COL24A1: variants seen among roughly 807,000 people sequenced by gnomAD.
COL24A1 encodes the protein collagen type XXIV alpha 1 chain.
In COL24A1, 224 loss-of-function variants were observed where a neutral mutation model predicts 253.9. That is an observed-to-expected ratio of 0.88 (90% CI 0.79 to 0.99). The LOEUF is 0.99. COL24A1 is among the 50% of genes least tolerant of loss of function. COL24A1 has a pLI of 0.00. For synonymous variants in COL24A1, 685 were observed against 673.7 expected, an observed-to-expected ratio of 1.02 and a Z score of -0.26; for missense variants, 2,131 against 2,068.5, an observed-to-expected ratio of 1.03 and a Z score of -0.59.
At chr1:85,762,752 T>C (rs1051199788) in intron 53 of COL24A1, among the ~76,000 whole-genome samples, 3 of 152,198 alleles carry the variant, frequency 2.0e-5, no homozygotes, top group African/African-American at 7.2e-5. Context: ...ACAGTTGCAA[T>C]AGTCCATTCC....
intron 12 of COL24A1, among the ~76,000 whole-genome samples, chr1:86,041,951 A>T (rs1453529903): frequency 6.6e-6 from 1 of 152,070 alleles, no homozygotes; most frequent in Non-Finnish European, 1.5e-5. Context: ...CTCTATCTTC[A>T]ACAGTTAGTT....
intron 5 of COL24A1, among the ~76,000 whole-genome samples, chr1:86,098,113 C>G (rs953106709): frequency 2.0e-5 from 3 of 152,182 alleles, no homozygotes; most frequent in Admixed American, 1.3e-4. Flanking sequence ...GAGACCCATA[C>G]TTTGTGTAAT....
chr1:85,889,520 T>G, intron 32 of COL24A1, 40 bp downstream of exon 32: 554 of 1,534,220 alleles, frequency 3.6e-4, no homozygotes, highest in Non-Finnish European at 4.7e-4. Flanking sequence ...ATGTATTTTA[T>G]GAGAAAGACA....
intron 7 of COL24A1, among the ~76,000 whole-genome samples, chr1:86,084,398 C>T (rs76679093): frequency 0.01 from 1,573 of 152,220 alleles, 41 homozygotes; most frequent in African/African-American, 0.035. Context: ...CTATTCTGTC[C>T]ACCTTCTCAC....
chr1:85,737,338 A>T, intron 58 of COL24A1, 58 bp downstream of exon 58: 1 of 979,948 alleles, frequency 1.0e-6, no homozygotes, highest in Non-Finnish European at 1.5e-6. Flanking sequence ...TTTTAAACAT[A>T]ATTTTTCACT....
At chr1:85,862,692 G>C (rs1044899085) in intron 37 of COL24A1, among the ~76,000 whole-genome samples, 12 of 152,314 alleles carry the variant, frequency 7.9e-5, no homozygotes, top group Admixed American at 1.3e-4. Flanking sequence ...TGATGAAACT[G>C]TTCAGAATAA....
intron 7 of COL24A1, among the ~76,000 whole-genome samples, chr1:86,074,920 T>C (rs534835343): frequency 3.9e-4 from 60 of 152,196 alleles, no homozygotes; most frequent in Non-Finnish European, 7.6e-4. Flanking sequence ...GGGAAATTTA[T>C]AGCACTAAAT....
intron 57 of COL24A1, among the ~76,000 whole-genome samples, chr1:85,738,897 C>T (rs1664330024): frequency 6.6e-6 from 1 of 152,116 alleles, no homozygotes; most frequent in South Asian, 2.1e-4. Flanking sequence ...TGCATCAAAC[C>T]ATCACTAAAA....
intron 53 of COL24A1, among the ~76,000 whole-genome samples, chr1:85,764,455 TACACACACACACACACACACAC>T (rs71075861): frequency 2.5e-4 from 34 of 137,344 alleles, no homozygotes; most frequent in Admixed American, 1.2e-3. Context: ...AGGTGGAGGA[TACACACACACACACACACACAC>T]ACACACACAC....
intron 3 of COL24A1, among the ~76,000 whole-genome samples, chr1:86,123,285 T>C (rs556334442): frequency 6.6e-6 from 1 of 152,092 alleles, no homozygotes; most frequent in Non-Finnish European, 1.5e-5. Context: ...CACAAGATCT[T>C]ATTCTGAATA....
At chr1:86,146,067 C>A in intron 2 of COL24A1, 52 bp downstream of exon 2, 1 of 1,435,752 alleles carries the variant, frequency 7.0e-7, no homozygotes, top group East Asian at 2.3e-5. Flanking sequence ...CTTTTGCTGT[C>A]TGGAAGTAGA....
At chr1:85,763,795 G>A (rs75946286) in intron 53 of COL24A1, among the ~76,000 whole-genome samples, 3,707 of 151,974 alleles carry the variant, frequency 0.024, 148 homozygotes, top group African/African-American at 0.086. Flanking sequence ...GTGCCTGGCC[G>A]TCTATGTTAA....
At chr1:85,912,419 T>C (rs1339695084) in intron 24 of COL24A1, among the ~76,000 whole-genome samples, 3 of 152,208 alleles carry the variant, frequency 2.0e-5, no homozygotes, top group African/African-American at 7.2e-5. Flanking sequence ...AGTTACTTTC[T>C]ACTTTTATTT....
intron 19 of COL24A1, among the ~76,000 whole-genome samples, chr1:86,015,883 C>CTTT (rs34005326): frequency 1.5e-5 from 2 of 136,202 alleles, no homozygotes; most frequent in East Asian, 2.2e-4. Flanking sequence ...TCTACTTTTT[C>CTTT]TTTTTTTTTT....
At chr1:86,036,119 T>C (rs979362293) in intron 12 of COL24A1, among the ~76,000 whole-genome samples, 3 of 152,106 alleles carry the variant, frequency 2.0e-5, no homozygotes, top group Non-Finnish European at 4.4e-5. Flanking sequence ...TAATTGAATA[T>C]CTACTTTAAA....
At chr1:85,763,883 C>T (rs553468595) in intron 53 of COL24A1, among the ~76,000 whole-genome samples, 79 of 152,308 alleles carry the variant, frequency 5.2e-4, no homozygotes, top group Middle Eastern at 6.8e-3. Context: ...CCTATGAAAA[C>T]AAGATTCTCT....
intron 10 of COL24A1, among the ~76,000 whole-genome samples, chr1:86,056,338 T>C (rs1339305206): frequency 3.9e-5 from 6 of 152,196 alleles, no homozygotes; most frequent in Admixed American, 3.9e-4. Flanking sequence ...GTTCTAGTTC[T>C]AGCCAGCTAT....
chr1:85,945,134 C>T (rs1689210698), intron 24 of COL24A1, among the ~76,000 whole-genome samples: 1 of 147,958 alleles, frequency 6.8e-6, no homozygotes. Flanking sequence ...TCTCCTGCCT[C>T]AGCCTCCTGA....
At chr1:85,909,831 T>C in intron 26 of COL24A1, 119 bp downstream of exon 26, 1 of 831,274 alleles carries the variant, frequency 1.2e-6, no homozygotes, top group Non-Finnish European at 2.0e-6. Flanking sequence ...AATAAAATTC[T>C]ATGGGAAATT....
Sources: gnomAD v4.1 joint callset for allele counts (sites outside exome capture counted in the v4.1 genomes callset) on GRCh38, gnomAD v4.1.1 for gene constraint, MANE v1.5 for transcripts, NCBI Gene and HGNC (gene_info 2026-07-23, HGNC 2026-07-21) for gene names.